Variants in GABBR2 observed in about 807,000 individuals in gnomAD.
GABBR2 encodes G-protein coupled receptor 51.
Under a neutral mutation model 105.6 loss-of-function variants are expected in GABBR2, and 23 were observed. The ratio of observed to expected loss-of-function variants is 0.22; its 90% confidence interval spans 0.16 to 0.31. GABBR2 has a LOEUF of 0.31. Among genes scored for constraint, GABBR2 ranks in the 10% least tolerant of loss-of-function variants. The probability of loss-of-function intolerance (pLI) is 1.00; values close to 1 mark genes in which losing one functional copy is unlikely to be tolerated. For synonymous variants in GABBR2, 478 were observed against 499.7 expected (o/e 0.96, Z 0.58); for missense variants, 734 against 1,245.5 (o/e 0.59, Z 6.18).
chr9:98,426,133 C>A (rs1174321865), intron 7 of GABBR2, among the ~76,000 whole-genome samples: 1 of 152,188 alleles, frequency 6.6e-6, no homozygotes, highest in Non-Finnish European at 1.5e-5. Context: ...GAAGTGTAGA[C>A]ACTTTGTCAG....
intron 2 of GABBR2, among the ~76,000 whole-genome samples, chr9:98,553,523 T>C (rs777212064): frequency 6.6e-6 from 1 of 152,034 alleles, no homozygotes; most frequent in African/African-American, 2.4e-5. Flanking sequence ...GTCTGAGACA[T>C]TGAGGCTGCA....
At chr9:98,643,147 C>G (rs554055987) in intron 1 of GABBR2, among the ~76,000 whole-genome samples, 125 of 152,342 alleles carry the variant, frequency 8.2e-4, no homozygotes, top group Non-Finnish European at 1.6e-3. Flanking sequence ...CCATGGGCAA[C>G]TGCAGTTCCC....
chr9:98,385,910 G>A (rs1164820039), intron 10 of GABBR2, 138 bp from the exon 11 acceptor site: 10 of 654,632 alleles, frequency 1.5e-5, no homozygotes, highest in Non-Finnish European at 2.6e-5. Context: ...ATACGCCATG[G>A]GGCCTCAGGG....
chr9:98,601,224 A>T (rs1380572948), intron 1 of GABBR2, among the ~76,000 whole-genome samples: 1 of 152,250 alleles, frequency 6.6e-6, no homozygotes, highest in African/African-American at 2.4e-5. Flanking sequence ...GACATTAAAA[A>T]ACAAAACATG....
intron 3 of GABBR2, among the ~76,000 whole-genome samples, chr9:98,530,207 T>C (rs1828039231): frequency 6.6e-6 from 1 of 152,072 alleles, no homozygotes; most frequent in South Asian, 2.1e-4. Context: ...ATTCCCAACT[T>C]GAGAAAATAA....
Position 98,436,396 on chromosome 9 carries a change from TATATATATATAG to T in GABBR2, c.1236+17573_1236+17584del, listed in dbSNP as rs1381331489. Among the ~76,000 whole-genome samples, 149 of 54,756 alleles carry T rather than the reference TATATATATATAG, an allele frequency of 2.7e-3. 14 individuals carry two copies. Among genetic ancestry groups the T allele is most frequent in the African/African-American group, 5.8e-3 (76 of 13,092 alleles). 35.9% of individuals were successfully genotyped at this position (54,756 alleles called of 152,430 possible). On this transcript the variant is annotated intron_variant, in intron 7 of 18. Transcript: ENST00000259455. ...ATATATATATATATATATATATATA[TATATATATATAG>T]TATGGCGTTCTTTCTTCTACTACCA...
intron 7 of GABBR2, among the ~76,000 whole-genome samples, chr9:98,408,466 G>C (rs894688978): frequency 6.6e-6 from 1 of 152,142 alleles, no homozygotes; most frequent in Non-Finnish European, 1.5e-5. Context: ...AAGTATTGCC[G>C]ACTGGATAGG....
At chr9:98,340,457 G>A (rs890393069) in intron 13 of GABBR2, among the ~76,000 whole-genome samples, 4 of 151,104 alleles carry the variant, frequency 2.6e-5, no homozygotes, top group Admixed American at 6.6e-5. Context: ...ACGGGGTCTC[G>A]TCATGTTGCC....
At chr9:98,300,125 A>C (rs1007026107) in intron 16 of GABBR2, among the ~76,000 whole-genome samples, 1 of 151,662 alleles carries the variant, frequency 6.6e-6, no homozygotes. Flanking sequence ...TGGCCTCCCA[A>C]AGTGCTGGGT....
intron 2 of GABBR2, among the ~76,000 whole-genome samples, chr9:98,571,824 C>T (rs145639042): frequency 9.2e-5 from 14 of 152,254 alleles, no homozygotes; most frequent in African/African-American, 3.1e-4. Context: ...GCAGGGCTTG[C>T]TTGCAGGAGG....
At chr9:98,585,251 A>T (rs1032993502) in intron 1 of GABBR2, among the ~76,000 whole-genome samples, 1 of 152,120 alleles carries the variant, frequency 6.6e-6, no homozygotes, top group Non-Finnish European at 1.5e-5. Flanking sequence ...TAAATGTCCA[A>T]CAACGATAGA....
chr9:98,700,890 C>T (rs773980467), intron 1 of GABBR2, among the ~76,000 whole-genome samples: 2 of 152,186 alleles, frequency 1.3e-5, no homozygotes, highest in African/African-American at 2.4e-5. Flanking sequence ...CCTGGCTCCT[C>T]GCGTTACCAC....
In GABBR2 at chr9:98,290,479, G is replaced by T; in HGVS notation, c.*105C>A. On this transcript the variant is annotated 3_prime_UTR_variant, in exon 19 of 19. Transcript: ENST00000259455. ...GAGTGGTCCTGAGAGGCCAGCCATGGTGCCCAGCTTCTCCGCAGCCAGAGC... is the reference window on the plus strand; with the variant it reads ...GAGTGGTCCTGAGAGGCCAGCCATGTTGCCCAGCTTCTCCGCAGCCAGAGC... 1 of 815,374 alleles carries T rather than the reference G, an allele frequency of 1.2e-6. No individual in the cohort carries two copies. Among genetic ancestry groups the T allele is most frequent in the Non-Finnish European group, 1.7e-6 (1 of 590,990 alleles). The allele number at this position is 815,374 out of a possible 1,614,324, so 50.5% of individuals were successfully genotyped here.
chr9:98,313,735 G>A (rs907314792), intron 13 of GABBR2, among the ~76,000 whole-genome samples: 4 of 149,596 alleles, frequency 2.7e-5, no homozygotes, highest in Admixed American at 2.0e-4. Flanking sequence ...GGTAAGGCAT[G>A]GGCATCCCCA....
At chr9:98,669,008 T>C (rs988808630) in intron 1 of GABBR2, among the ~76,000 whole-genome samples, 2 of 151,740 alleles carry the variant, frequency 1.3e-5, no homozygotes, top group Non-Finnish European at 2.9e-5. Context: ...CTATGAACAT[T>C]GGTGTACAGA....
At chr9:98,298,524 G>A (rs889120947) in intron 17 of GABBR2, among the ~76,000 whole-genome samples, 33 of 152,186 alleles carry the variant, frequency 2.2e-4, no homozygotes, top group Admixed American at 2.0e-4. Context: ...GACTTCTAAT[G>A]CATTGCAGGA....
chr9:98,553,501 A>G (rs952759622), intron 2 of GABBR2, among the ~76,000 whole-genome samples: 11 of 152,102 alleles, frequency 7.2e-5, no homozygotes, highest in African/African-American at 1.9e-4. Flanking sequence ...CTGAGGCAGG[A>G]GAATCAACTG....
chr9:98,569,542 A>G (rs914096325), intron 2 of GABBR2, among the ~76,000 whole-genome samples: 15 of 152,194 alleles, frequency 9.9e-5, no homozygotes, highest in Non-Finnish European at 2.2e-4. Context: ...TGGAGAAAAA[A>G]CAACTGCATA....
chr9:98,422,016 C>G (rs1832790372), intron 7 of GABBR2, among the ~76,000 whole-genome samples: 1 of 152,088 alleles, frequency 6.6e-6, no homozygotes, highest in Admixed American at 6.5e-5. Context: ...AAAGGACATC[C>G]TGGACAAACA....
Sources: gnomAD v4.1 joint callset for allele counts (sites outside exome capture counted in the v4.1 genomes callset) on GRCh38, gnomAD v4.1.1 for gene constraint, MANE v1.5 for transcripts, NCBI Gene and HGNC (gene_info 2026-07-23, HGNC 2026-07-21) for gene names.